CDH13: variants seen among roughly 807,000 people sequenced by gnomAD.
CDH13 encodes cadherin-13.
A neutral mutation model predicts 63.8 loss-of-function variants in CDH13; 24 were observed. The ratio of observed to expected loss-of-function variants is 0.38; its 90% CI spans 0.27 to 0.53. The LOEUF is 0.53. CDH13 is among the 20% of genes least tolerant of loss of function. The pLI is 0.85. For missense variants in CDH13, 1,049 were observed against 903.1 expected (o/e 1.16, Z -2.07); for synonymous variants, 503 against 355.3 (o/e 1.42, Z -4.67).
At chr16:83,435,331 A>G (rs913990531) in intron 6 of CDH13, among the ~76,000 whole-genome samples, 1 of 152,170 alleles carries the variant, frequency 6.6e-6, no homozygotes, top group Non-Finnish European at 1.5e-5. Flanking sequence ...AGAGTGAGCC[A>G]CTATGCCTGG....
chr16:83,703,331 G>C (rs932862611), intron 10 of CDH13, among the ~76,000 whole-genome samples: 1 of 152,168 alleles, frequency 6.6e-6, no homozygotes, highest in Non-Finnish European at 1.5e-5. Context: ...TTTATGTGCG[G>C]AGTTGTACAC....
intron 6 of CDH13, among the ~76,000 whole-genome samples, chr16:83,394,194 C>G (rs1029097059): frequency 6.6e-6 from 1 of 151,266 alleles, no homozygotes; most frequent in Non-Finnish European, 1.5e-5. Context: ...ACCCCCATGA[C>G]ACAAGTTTAC....
chr16:83,293,654 G>C (rs972078171), intron 5 of CDH13, among the ~76,000 whole-genome samples: 8 of 152,154 alleles, frequency 5.3e-5, no homozygotes, highest in Non-Finnish European at 1.2e-4. Flanking sequence ...ATTATAGTGA[G>C]AAATGTAATT....
At chr16:82,931,471 A>G (rs1049022458) in intron 2 of CDH13, among the ~76,000 whole-genome samples, 2 of 151,838 alleles carry the variant, frequency 1.3e-5, no homozygotes, top group African/African-American at 2.4e-5. Flanking sequence ...TAGAAGTTCT[A>G]TAAGCAGTGG....
At chr16:82,700,537 G>C (rs1368443435) in intron 1 of CDH13, among the ~76,000 whole-genome samples, 1 of 152,046 alleles carries the variant, frequency 6.6e-6, no homozygotes, top group African/African-American at 2.4e-5. Context: ...GTGTGTGTGT[G>C]TGTGTGTGTC....
At chr16:82,965,050 C>T (rs1907609856) in intron 2 of CDH13, among the ~76,000 whole-genome samples, 1 of 152,196 alleles carries the variant, frequency 6.6e-6, no homozygotes, top group African/African-American at 2.4e-5. Context: ...CAGTCTGAGA[C>T]TTCAAAGTAA....
rs570096216 is a variant in CDH13 at position 83,743,719 on chromosome 16, T to C, written c.1539-4389T>C. The stretch of plus-strand genomic sequence containing the variant: ...ACTCCTGGATCAACAGGAAACTTGC[T>C]ACCTGATGAGTTGCCTTTTTTCTTT... On this transcript the variant is annotated intron_variant, in intron 10 of 13. Transcript: ENST00000567109. 2.7e-5 allele frequency among the ~76,000 whole-genome samples: 4 copies of C among 150,884 alleles called. No homozygotes were observed. In the East Asian group the frequency reaches 7.8e-4, roughly 29 times the overall value.
chr16:83,682,285 T>G (rs530137780), intron 10 of CDH13, among the ~76,000 whole-genome samples: 73 of 152,098 alleles, frequency 4.8e-4, no homozygotes, highest in African/African-American at 6.5e-4. Context: ...CTGGGAGTCT[T>G]CCATGATTAT....
At chr16:82,932,708 G>A (rs905602140) in intron 2 of CDH13, among the ~76,000 whole-genome samples, 5 of 152,204 alleles carry the variant, frequency 3.3e-5, no homozygotes, top group African/African-American at 1.2e-4. Flanking sequence ...AATATGATGA[G>A]TTGAAACATT....
intron 1 of CDH13, among the ~76,000 whole-genome samples, chr16:82,754,715 C>T (rs1257202307): frequency 1.3e-5 from 2 of 152,122 alleles, no homozygotes; most frequent in Non-Finnish European, 2.9e-5. Flanking sequence ...GATTATATGG[C>T]AAAATGCAAA....
At chr16:83,119,259 C>G (rs368265484) in intron 3 of CDH13, among the ~76,000 whole-genome samples, 7 of 152,154 alleles carry the variant, frequency 4.6e-5, no homozygotes, top group East Asian at 1.9e-4. Flanking sequence ...ACGTTCCTCC[C>G]TTTTCCCTTT....
At chr16:83,382,371 T>A (rs2091584105) in intron 6 of CDH13, among the ~76,000 whole-genome samples, 1 of 152,186 alleles carries the variant, frequency 6.6e-6, no homozygotes, top group Non-Finnish European at 1.5e-5. Context: ...AAATATTTTA[T>A]TCTGGGGTTA....
chr16:83,196,149 G>A (rs879530705), intron 4 of CDH13, among the ~76,000 whole-genome samples: 5 of 152,112 alleles, frequency 3.3e-5, no homozygotes, highest in East Asian at 3.9e-4. Context: ...CCAGCTACTC[G>A]GGAGGCTGAA....
chr16:83,678,589 G>A (rs1598462608), intron 10 of CDH13, 128 bp downstream of exon 10: 7 of 1,201,800 alleles, frequency 5.8e-6, no homozygotes, highest in South Asian at 4.5e-5. Flanking sequence ...CAGCAAGTGG[G>A]AGGAAAGCGT....
chr16:83,796,654 G>C lies in CDH13; in HGVS notation c.*1624G>C, dbSNP rs763555367. ...CTTGTGTCCAATGTCACTGATGTTG[G>C]GTCTTGTCTTAGTGCAAGTTCACAT... On this transcript the variant is annotated 3_prime_UTR_variant, in exon 14 of 14. Transcript: ENST00000567109. The C allele has an allele frequency of 7.9e-5, 12 of 152,118 alleles. No individual in the cohort carries two copies. The highest frequency in any genetic ancestry group is 5.2e-4 in the Admixed American group (8 of 15,264). The allele number at this position is 152,118 out of a possible 1,614,324, so 9.4% of individuals were successfully genotyped here.
At chr16:82,689,125 C>G (rs924686075) in intron 1 of CDH13, 2 of 151,658 alleles carry the variant, frequency 1.3e-5, no homozygotes, top group African/African-American at 2.4e-5. Flanking sequence ...GGTTAACACA[C>G]TTACTCAGGT....
intron 1 of CDH13, among the ~76,000 whole-genome samples, chr16:82,789,038 C>G (rs1334205955): frequency 1.3e-5 from 2 of 152,138 alleles, no homozygotes; most frequent in East Asian, 1.9e-4. Context: ...GGAGGTTGCT[C>G]TGATTGTTTC....
At chr16:82,901,324 C>CTCTGTGTGTGTGTGTGTGTGTG (rs777728162) in intron 2 of CDH13, among the ~76,000 whole-genome samples, 2 of 130,416 alleles carry the variant, frequency 1.5e-5, no homozygotes, top group African/African-American at 6.0e-5. Flanking sequence ...TAGTATTCTC[C>CTCTGTGTGTGTGTGTGTGTGTG]TGTGTGTGTG....
At chr16:83,201,621 G>A (rs1441375081) in intron 4 of CDH13, among the ~76,000 whole-genome samples, 1 of 152,100 alleles carries the variant, frequency 6.6e-6, no homozygotes, top group Non-Finnish European at 1.5e-5. Flanking sequence ...ACGTTGGCTG[G>A]GCACGGTGGC....
Sources: gnomAD v4.1 joint callset for allele counts (sites outside exome capture counted in the v4.1 genomes callset) on GRCh38, gnomAD v4.1.1 for gene constraint, MANE v1.5 for transcripts, NCBI Gene and HGNC (gene_info 2026-07-23, HGNC 2026-07-21) for gene names.